Variants in TOP6BL observed in about 807,000 individuals in gnomAD.
TOP6BL encodes type 2 DNA topoisomerase 6 subunit B-like.
the TOP6BL span, among the ~76,000 whole-genome samples, chr11:66,764,949 CAG>C: frequency 1.3e-5 from 2 of 151,088 alleles, no homozygotes; most frequent in African/African-American, 4.9e-5. Flanking sequence ...GCCTTGGTGA[CAG>C]AGTGAGATCT....
chr11:66,821,839 C>T, the TOP6BL span: 1 of 1,537,106 alleles, frequency 6.5e-7, no homozygotes, highest in Non-Finnish European at 8.8e-7. Context: ...CAGGCAGGGC[C>T]CAGGAGCCCT....
chr11:66,781,566 T>A, the TOP6BL span, among the ~76,000 whole-genome samples: 2 of 152,176 alleles, frequency 1.3e-5, no homozygotes, highest in African/African-American at 2.4e-5. Context: ...AGACAGGGTC[T>A]CACTCTGTCA....
chr11:66,830,664 A>C, the TOP6BL span, among the ~76,000 whole-genome samples: 44 of 152,348 alleles, frequency 2.9e-4, no homozygotes, highest in East Asian at 1.3e-3. Flanking sequence ...CAGAATAAAA[A>C]GAATGAACAC....
chr11:66,789,511 G>C, the TOP6BL span, among the ~76,000 whole-genome samples: 2 of 152,236 alleles, frequency 1.3e-5, no homozygotes, highest in African/African-American at 2.4e-5. Flanking sequence ...AGATATCCCT[G>C]GCTGTGCCTT....
the TOP6BL span, among the ~76,000 whole-genome samples, chr11:66,796,562 T>A: frequency 6.6e-6 from 1 of 152,068 alleles, no homozygotes; most frequent in African/African-American, 2.4e-5. Flanking sequence ...GGAGGATCGC[T>A]TGAGTCCAGG....
chr11:66,763,090 G>A, the TOP6BL span, among the ~76,000 whole-genome samples: 16 of 152,340 alleles, frequency 1.1e-4, no homozygotes, highest in African/African-American at 1.7e-4. Flanking sequence ...TGTAGTCCCA[G>A]CTACTCAGGA....
chr11:66,784,956 CTTTTTTTTTTT>C, the TOP6BL span, among the ~76,000 whole-genome samples: 1 of 95,124 alleles, frequency 1.1e-5, no homozygotes, highest in Non-Finnish European at 2.0e-5. Context: ...TCTAAGATTT[CTTTTTTTTTTT>C]TTTTTTTTTT....
At chr11:66,755,476 G>A in the TOP6BL span, among the ~76,000 whole-genome samples, 2 of 152,104 alleles carry the variant, frequency 1.3e-5, no homozygotes, top group Non-Finnish European at 2.9e-5. Context: ...CCATCCTTGT[G>A]GGTTTGTGCC....
chr11:66,757,879 T>C, the TOP6BL span, among the ~76,000 whole-genome samples: 1 of 152,120 alleles, frequency 6.6e-6, no homozygotes, highest in Non-Finnish European at 1.5e-5. Context: ...TGAGCCACCA[T>C]ACCCGGCTGG....
chr11:66,748,600 T>G, the TOP6BL span: 10 of 1,056,580 alleles, frequency 9.5e-6, no homozygotes, highest in Non-Finnish European at 1.3e-5. Flanking sequence ...AATTAGAATC[T>G]TTTATCATGT....
At chr11:66,756,327 C>CT in the TOP6BL span, 1 of 1,196,582 alleles carries the variant, frequency 8.4e-7, no homozygotes. Flanking sequence ...AGTTAACCCC[C>CT]TTTTCCCCCC....
At chr11:66,791,800 CTCTT>C in the TOP6BL span, among the ~76,000 whole-genome samples, 4 of 151,556 alleles carry the variant, frequency 2.6e-5, no homozygotes, top group Non-Finnish European at 5.9e-5. Flanking sequence ...TGTCATCTCT[CTCTT>C]CCTCTTTCTA....
chr11:66,770,797 C>T, the TOP6BL span, among the ~76,000 whole-genome samples: 2 of 152,126 alleles, frequency 1.3e-5, no homozygotes, highest in Non-Finnish European at 2.9e-5. Context: ...TCCTGACACC[C>T]CTTCTGGCCT....
At chr11:66,802,769 G>A in the TOP6BL span, among the ~76,000 whole-genome samples, 1 of 152,096 alleles carries the variant, frequency 6.6e-6, no homozygotes, top group African/African-American at 2.4e-5. Flanking sequence ...TTAATATGCA[G>A]GTAATAATTT....
the TOP6BL span, among the ~76,000 whole-genome samples, chr11:66,766,611 G>A: frequency 6.6e-6 from 1 of 152,148 alleles, no homozygotes; most frequent in Non-Finnish European, 1.5e-5. Flanking sequence ...TAACCCAGAG[G>A]ATATTCCCCA....
the TOP6BL span, among the ~76,000 whole-genome samples, chr11:66,785,122 A>AT: frequency 6.6e-6 from 1 of 151,526 alleles, no homozygotes; most frequent in African/African-American, 2.4e-5. Context: ...TGCCCGGCTA[A>AT]TTTTTTAAAT....
At chr11:66,804,320 C>G in the TOP6BL span, 52 of 872,690 alleles carry the variant, frequency 6.0e-5, no homozygotes, top group Non-Finnish European at 7.7e-5. Context: ...AACATATAAT[C>G]TAATGTGAAA....
the TOP6BL span, among the ~76,000 whole-genome samples, chr11:66,769,378 A>G: frequency 6.6e-6 from 1 of 152,112 alleles, no homozygotes; most frequent in African/African-American, 2.4e-5. Context: ...GAGAAATTGG[A>G]TTTAATCAAT....
At chr11:66,776,603 C>G in the TOP6BL span, among the ~76,000 whole-genome samples, 125 of 151,970 alleles carry the variant, frequency 8.2e-4, no homozygotes, top group African/African-American at 3.0e-3. Context: ...GCCTGGTCAA[C>G]ATAGCAAGTC....
Sources: allele counts gnomAD v4.1 joint callset (sites outside exome capture counted in the v4.1 genomes callset), GRCh38; gene constraint gnomAD v4.1.1; transcripts MANE v1.5; gene names NCBI Gene and HGNC (gene_info 2026-07-23, HGNC 2026-07-21).